SMAD9: variants seen among roughly 807,000 people sequenced by gnomAD.
SMAD9 encodes the protein SMAD family member 9.
Under a neutral mutation model 46.1 loss-of-function variants are expected in SMAD9, and 36 were observed. The observed-to-expected ratio is 0.78, with a 90% CI of 0.60 to 1.03. SMAD9 has a LOEUF of 1.03. SMAD9 is among the 50% of genes least tolerant of loss of function. The pLI is 0.00. For synonymous variants in SMAD9, 245 were observed against 237.1 expected (o/e 1.03, Z -0.31); for missense variants, 572 against 599.8 (o/e 0.95, Z 0.48).
chr13:36,848,361 A>G lies in SMAD9; in HGVS notation c.*315T>C, dbSNP rs1352149189. On this transcript the variant is annotated 3_prime_UTR_variant, in exon 7 of 7. Transcript: ENST00000379826. ...GCCACACAACATGCTTTATAATGAC[A>G]CGGCTGACTAAAGCTGTCTTTTATT... 2 of 357,726 alleles carry G rather than the reference A, an allele frequency of 5.6e-6. No individual in the cohort carries two copies. The highest frequency in any genetic ancestry group is 4.2e-5 in the African/African-American group (2 of 47,896). 22.2% of individuals were successfully genotyped at this position (357,726 alleles called of 1,614,324 possible).
chr13:36,851,935 G>C (rs2058078026), intron 6 of SMAD9: 9 of 974,272 alleles, frequency 9.2e-6, no homozygotes, highest in Non-Finnish European at 1.1e-5. Context: ...ATGAGATATT[G>C]GCATTTCATC....
chr13:36,883,019 C>T (rs1374113062), intron 1 of SMAD9, among the ~76,000 whole-genome samples: 1 of 152,148 alleles, frequency 6.6e-6, no homozygotes, highest in Non-Finnish European at 1.5e-5. Context: ...AAAGGTTATT[C>T]ATTCTCATTC....
intron 1 of SMAD9, among the ~76,000 whole-genome samples, chr13:36,887,051 T>G (rs1036719023): frequency 7.1e-6 from 1 of 141,028 alleles, no homozygotes; most frequent in Non-Finnish European, 1.6e-5. Flanking sequence ...TTTTTTTTTT[T>G]TTTTTTTTTT....
chr13:36,887,921 C>T (rs2058460659), intron 1 of SMAD9, among the ~76,000 whole-genome samples: 1 of 151,906 alleles, frequency 6.6e-6, no homozygotes, highest in South Asian at 2.1e-4. Context: ...ATTTGAGGAG[C>T]AAGGAAAAGG....
intron 4 of SMAD9, among the ~76,000 whole-genome samples, chr13:36,866,112 T>C (rs2058231911): frequency 6.6e-6 from 1 of 152,160 alleles, no homozygotes; most frequent in Admixed American, 6.5e-5. Context: ...AGCTGGCAGG[T>C]CACCTCTTCT....
At position 36,865,568 on chromosome 13, in the gene SMAD9, C is replaced by T. The variant is rs561479397; in HGVS notation, c.972G>A (p.Thr324=). 1.4e-5 allele frequency: 23 copies of T among 1,613,914 alleles called. No individual in the cohort carries two copies. Among genetic ancestry groups the T allele is most frequent in the African/African-American group, 5.3e-5 (4 of 75,016 alleles). ...GLLSNVNRNS[T]IENTRRHIGK... is the part of the protein sequence containing the mutation. The stretch of plus-strand genomic sequence containing the variant: ...CTATATGTCTCCTGGTATTTTCTAT[C>T]GTTGAGTTTCTGTTTACATTAGAAA... The change falls in exon 5 of 7, where the codon ACG becomes ACA. Residue 324 remains threonine (T), a synonymous_variant. Coordinates refer to ENST00000379826, the MANE Select transcript of SMAD9 (RefSeq NM_001127217.3).
intron 5 of SMAD9, among the ~76,000 whole-genome samples, chr13:36,864,039 T>C (rs988080406): frequency 1.1e-4 from 16 of 152,212 alleles, no homozygotes; most frequent in Admixed American, 8.5e-4. Context: ...AAATTGAACA[T>C]GCAGACCAAT....
chr13:36,914,427 G>A (rs2058683583), intron 1 of SMAD9, among the ~76,000 whole-genome samples: 1 of 152,170 alleles, frequency 6.6e-6, no homozygotes, highest in Non-Finnish European at 1.5e-5. Flanking sequence ...GCTGAAGCGG[G>A]AGAATGGCAT....
chr13:36,860,246 T>A (rs1268371338), intron 5 of SMAD9, among the ~76,000 whole-genome samples: 2 of 152,064 alleles, frequency 1.3e-5, no homozygotes, highest in African/African-American at 4.8e-5. Context: ...CAAGAAGAAT[T>A]ACTAGAATTA....
chr13:36,913,423 A>G (rs142419987), intron 1 of SMAD9, among the ~76,000 whole-genome samples: 1,947 of 152,296 alleles, frequency 0.013, 28 homozygotes, highest in Middle Eastern at 0.068. Context: ...TGAATATCCT[A>G]TACAAGCCCC....
rs1593548332 is a variant in SMAD9, at chr13:36,853,528, A to C, written c.1151T>G (p.Val384Gly). 1 of 1,614,102 alleles carries C rather than the reference A, an allele frequency of 6.2e-7. No homozygotes were observed. The highest frequency in any genetic ancestry group is 8.5e-7 in the Non-Finnish European group (1 of 1,180,028). Residue 384 changes from valine (V) to glycine (G), a missense_variant, in exon 6 of 7, where the codon GTC becomes GGC. By Grantham distance (109) the Val-to-Gly change is moderately radical. Transcript: ENST00000379826. ...CTGAGCGAAGAGCTGGTTGTTGAAG[A>C]CCTTGAGGCTGCAGCCGCTGGGGAT... ...CKIPSGCSLK[V>G]FNNQLFAQLL... is the part of the protein sequence containing the mutation.
Position 36,853,610 on chromosome 13 carries a change from C to G in SMAD9, c.1069G>C (p.Val357Leu), listed in dbSNP as rs1326394719. The G allele has an allele frequency of 7.4e-6, 12 of 1,614,144 alleles. No individual in the cohort carries two copies. The highest frequency in any genetic ancestry group is 1.0e-5 in the Non-Finnish European group (12 of 1,180,010). ...AECVSDSSIF[V>L]QSRNCNYQHG... ...TGATAGTTGCAGTTCCGGCTCTGCA[C>G]AAAGATGCTGCTGTCACTCACGCAC... The change falls in exon 6 of 7, where the codon GTG becomes CTG. Residue 357 changes from valine (V) to leucine (L), a missense_variant. Transcript: ENST00000379826.
chr13:36,918,479 G>A (rs1179189173), intron 1 of SMAD9, among the ~76,000 whole-genome samples: 1 of 152,236 alleles, frequency 6.6e-6, no homozygotes, highest in African/African-American at 2.4e-5. Context: ...CAGCTGTCTT[G>A]CCATCACTGA....
chr13:36,911,218 C>T (rs985820654), intron 1 of SMAD9, among the ~76,000 whole-genome samples: 1 of 151,964 alleles, frequency 6.6e-6, no homozygotes, highest in African/African-American at 2.4e-5. Flanking sequence ...CCATGTTGTC[C>T]AGGCTGGTCT....
At chr13:36,896,139 A>C (rs1178262676) in intron 1 of SMAD9, among the ~76,000 whole-genome samples, 3 of 129,510 alleles carry the variant, frequency 2.3e-5, no homozygotes, top group Non-Finnish European at 5.2e-5. Context: ...TTATTTATTT[A>C]TTTATTTATT....
chr13:36,913,387 T>C (rs572543015), intron 1 of SMAD9, among the ~76,000 whole-genome samples: 4 of 152,140 alleles, frequency 2.6e-5, no homozygotes, highest in Admixed American at 2.0e-4. Context: ...GTAGACACAA[T>C]AGACACAGAG....
At chr13:36,867,715 C>A (rs1457905005) in intron 3 of SMAD9, among the ~76,000 whole-genome samples, 2 of 152,194 alleles carry the variant, frequency 1.3e-5, no homozygotes, top group East Asian at 3.9e-4. Context: ...TGTGATCTGG[C>A]TTGCAAAACA....
intron 1 of SMAD9, among the ~76,000 whole-genome samples, chr13:36,900,166 A>G (rs1303355039): frequency 6.6e-6 from 1 of 152,164 alleles, no homozygotes; most frequent in Non-Finnish European, 1.5e-5. Context: ...CAACTATTTC[A>G]AAGCACTTAC....
chr13:36,871,506 A>C (rs145140137), intron 3 of SMAD9, among the ~76,000 whole-genome samples: 2,566 of 152,178 alleles, frequency 0.017, 35 homozygotes, highest in Non-Finnish European at 0.023. Context: ...TGACAGAGCA[A>C]GACTCCGTCT....
Sources: allele counts gnomAD v4.1 joint callset (sites outside exome capture counted in the v4.1 genomes callset), GRCh38; gene constraint gnomAD v4.1.1; transcripts MANE v1.5; gene names NCBI Gene and HGNC (gene_info 2026-07-23, HGNC 2026-07-21).